The following EEF1AKMT2 variants were observed in gnomAD, a reference collection of about 807,000 sequenced individuals.
The protein encoded by EEF1AKMT2 is eukaryotic translation elongation factor 1 alpha lysine methyltransferase 2.
Under a neutral mutation model 35.8 loss-of-function variants are expected in EEF1AKMT2, and 32 were observed. The ratio of observed to expected loss-of-function variants is 0.89; its 90% CI spans 0.67 to 1.20. The LOEUF (loss-of-function observed/expected upper bound fraction) is 1.20. EEF1AKMT2 is among the 50% of genes most tolerant of loss of function. EEF1AKMT2 has a pLI of 0.00. For synonymous variants in EEF1AKMT2, 121 were observed against 133.7 expected (o/e 0.91, Z 0.65); for missense variants, 330 against 347.5 (o/e 0.95, Z 0.40).
At chr10:124,771,126 G>A (rs915814286) in intron 4 of EEF1AKMT2, among the ~76,000 whole-genome samples, 1 of 151,266 alleles carries the variant, frequency 6.6e-6, no homozygotes, top group Admixed American at 6.6e-5. Context: ...TTGAGACAGA[G>A]TCTTGCTCTG....
intron 5 of EEF1AKMT2, 46 bp downstream of exon 5, chr10:124,765,346 T>C: frequency 6.6e-7 from 1 of 1,511,718 alleles, no homozygotes. Context: ...TTTAAGTACA[T>C]GAAACCTGAG....
intron 3 of EEF1AKMT2, among the ~76,000 whole-genome samples, chr10:124,775,744 C>T (rs1255251288): frequency 6.6e-6 from 1 of 152,068 alleles, no homozygotes; most frequent in Non-Finnish European, 1.5e-5. Flanking sequence ...GTAGATTGCT[C>T]CCTTTATTTT....
rs746092211 is a variant in EEF1AKMT2, at chr10:124,791,843, C to G, written c.-10G>C. On this transcript the variant is annotated 5_prime_UTR_variant, in exon 1 of 7. Transcript: ENST00000368836. ...CAGCGCCCGAGCTCATTTCGCTCCA[C>G]GTCCTGGACGGCCGTTGGGGCCGCC... 4 of 1,560,536 alleles carry G rather than the reference C, an allele frequency of 2.6e-6. No individual in the cohort carries two copies. The East Asian group carries it at 9.5e-5, about 37-fold the overall frequency.
intron 2 of EEF1AKMT2, 46 bp from the exon 3 acceptor site, chr10:124,789,203 G>C (rs1265752516): frequency 7.8e-7 from 1 of 1,275,470 alleles, no homozygotes. Context: ...CAGAGCAAAA[G>C]TCACCACTAT....
chr10:124,767,583 A>G (rs572856060), intron 4 of EEF1AKMT2, among the ~76,000 whole-genome samples: 3 of 152,248 alleles, frequency 2.0e-5, no homozygotes, highest in African/African-American at 7.2e-5. Flanking sequence ...AGAAAGATAA[A>G]AGATAAATAA....
At chr10:124,767,532 A>C (rs1282928654) in intron 4 of EEF1AKMT2, among the ~76,000 whole-genome samples, 3 of 151,688 alleles carry the variant, frequency 2.0e-5, no homozygotes, top group Non-Finnish European at 4.4e-5. Flanking sequence ...AAAAAAGAAA[A>C]GAAAAGAAAA....
At chr10:124,782,581 CAAAAAAAAAAAAAA>C (rs34882125) in intron 3 of EEF1AKMT2, among the ~76,000 whole-genome samples, 2 of 62,404 alleles carry the variant, frequency 3.2e-5, no homozygotes, top group Non-Finnish European at 5.7e-5. Context: ...GACTCCGTCT[CAAAAAAAAAAAAAA>C]AAAAAAAAGA....
intron 3 of EEF1AKMT2, among the ~76,000 whole-genome samples, chr10:124,785,761 T>C (rs1210067440): frequency 6.6e-6 from 1 of 151,974 alleles, no homozygotes; most frequent in East Asian, 1.9e-4. Flanking sequence ...CCAGGCGTGC[T>C]GGCGCGCACC....
chr10:124,766,899 C>T (rs573909040), intron 4 of EEF1AKMT2, among the ~76,000 whole-genome samples: 4 of 152,280 alleles, frequency 2.6e-5, no homozygotes, highest in Non-Finnish European at 4.4e-5. Context: ...CAGTGGCTCA[C>T]GCCTGTAATC....
chr10:124,773,958 A>C (rs1950462378), intron 4 of EEF1AKMT2, among the ~76,000 whole-genome samples: 1 of 152,240 alleles, frequency 6.6e-6, no homozygotes, highest in Non-Finnish European at 1.5e-5. Flanking sequence ...TCTAGAGCTG[A>C]GAAGAGAGGC....
chr10:124,786,431 G>C (rs1473056925), intron 3 of EEF1AKMT2, among the ~76,000 whole-genome samples: 1 of 149,514 alleles, frequency 6.7e-6, no homozygotes, highest in Non-Finnish European at 1.5e-5. Context: ...GCGTGAATCC[G>C]GGAGGCGGAG....
chr10:124,771,733 G>A (rs1320400986), intron 4 of EEF1AKMT2, among the ~76,000 whole-genome samples: 3 of 152,100 alleles, frequency 2.0e-5, no homozygotes, highest in South Asian at 2.1e-4. Context: ...GCCAGGTGTG[G>A]TGGCAGGCAC....
rs1218379650 is a variant in EEF1AKMT2 at position 124,790,158 on chromosome 10, G to T, written c.176+115C>A. ...TCTGCCTGCCTCGGCCTCCCAAAGT[G>T]CTGGGATTACAGGCGTAAGCCACCG... On this transcript the variant is annotated intron_variant, in intron 2 of 6. Transcript: ENST00000368836. 7 of 735,820 alleles carry T rather than the reference G, an allele frequency of 9.5e-6. No individual in the cohort carries two copies. The African/African-American group carries it at 1.1e-4, about 11-fold the overall frequency. The allele number at this position is 735,820 out of a possible 1,614,324, so 45.6% of individuals were successfully genotyped here. A position where few individuals can be genotyped will look rare whatever the true frequency, so the allele number is the denominator to read the frequency against.
intron 4 of EEF1AKMT2, among the ~76,000 whole-genome samples, chr10:124,771,149 G>A (rs1950430261): frequency 1.3e-5 from 2 of 151,682 alleles, no homozygotes; most frequent in Non-Finnish European, 2.9e-5. Context: ...GCCCAGGCTG[G>A]AGTGCAGCGG....
chr10:124,780,240 G>C (rs1397333411), intron 3 of EEF1AKMT2, among the ~76,000 whole-genome samples: 1 of 152,150 alleles, frequency 6.6e-6, no homozygotes, highest in Non-Finnish European at 1.5e-5. Flanking sequence ...AGGAGGTCCA[G>C]ATTTGACCCG....
At chr10:124,786,642 A>G (rs1659005208) in intron 3 of EEF1AKMT2, among the ~76,000 whole-genome samples, 2 of 151,586 alleles carry the variant, frequency 1.3e-5, no homozygotes, top group African/African-American at 4.8e-5. Flanking sequence ...GCAGAACCCC[A>G]TCTCTACTAC....
At position 124,759,660 on chromosome 10, in the gene EEF1AKMT2, A is replaced by G. The variant is rs1169668118; in HGVS notation, c.*843T>C. The G allele has an allele frequency of 6.6e-6, 1 of 152,194 alleles. No individual in the cohort carries two copies. Among genetic ancestry groups the G allele is most frequent in the African/African-American group, 2.4e-5 (1 of 41,458 alleles). 9.4% of individuals were successfully genotyped at this position (152,194 alleles called of 1,614,324 possible). On this transcript the variant is annotated 3_prime_UTR_variant, in exon 7 of 7. Transcript: ENST00000368836. ...AAGTGACTTCACTTCTCTCAGCTTC[A>G]TTTTCCTTATACGTAGAAACAAGAA...
At chr10:124,781,977 G>C (rs1306334529) in intron 3 of EEF1AKMT2, among the ~76,000 whole-genome samples, 1 of 152,074 alleles carries the variant, frequency 6.6e-6, no homozygotes, top group East Asian at 1.9e-4. Flanking sequence ...ACTTATAGTG[G>C]TAAAATACTG....
At chr10:124,790,776 C>CT (rs904712967) in intron 1 of EEF1AKMT2, among the ~76,000 whole-genome samples, 1 of 150,146 alleles carries the variant, frequency 6.7e-6, no homozygotes, top group African/African-American at 2.4e-5. Context: ...CGCTTTTCTT[C>CT]TTTTTTTGAG....
Sources: allele counts gnomAD v4.1 joint callset (sites outside exome capture counted in the v4.1 genomes callset), GRCh38; gene constraint gnomAD v4.1.1; transcripts MANE v1.5; gene names NCBI Gene and HGNC (gene_info 2026-07-23, HGNC 2026-07-21).